PTPRG: variants seen among roughly 807,000 people sequenced by gnomAD.
PTPRG encodes receptor-type tyrosine-protein phosphatase gamma.
In PTPRG, 102 loss-of-function variants were observed where a neutral mutation model predicts 165.3. The ratio of observed to expected loss-of-function variants is 0.62; its 90% CI spans 0.53 to 0.73. The LOEUF is 0.73. Ranked by LOEUF, PTPRG falls within the 30% of genes least tolerant of loss-of-function variation. The pLI is 0.00. For missense variants in PTPRG, 1,866 were observed against 1,861.4 expected, an observed-to-expected ratio of 1.00 and a Z score of -0.05; for synonymous variants, 675 against 669.5, an observed-to-expected ratio of 1.01 and a Z score of -0.13.
rs570572622 is a variant in PTPRG at position 62,203,106 on chromosome 3, T to C, written c.1378-67T>C. ...ACCAGGGCCTCATTCCCAATCTCAA[T>C]TACTGATGCTTCTCTGCTTTTTCTT... On this transcript the variant is annotated intron_variant, in intron 11 of 29. Transcript: ENST00000474889. This position sits in a 1 kb window ranked among gnomAD's most constrained non-coding sequence, Gnocchi z 6.4. The C allele has an allele frequency of 3.9e-6, 6 of 1,520,798 alleles. No individual in the cohort carries two copies. In the East Asian group the frequency reaches 1.4e-4, roughly 35 times the overall value. 94.2% of individuals were successfully genotyped at this position (1,520,798 alleles called of 1,614,324 possible).
chr3:61,923,919 G>A (rs184245121), intron 2 of PTPRG, among the ~76,000 whole-genome samples: 8 of 151,964 alleles, frequency 5.3e-5, no homozygotes, highest in African/African-American at 1.7e-4. Context: ...TCAAGTAAAC[G>A]ATTCATCTTC....
At chr3:62,054,308 A>G (rs117783119) in intron 4 of PTPRG, among the ~76,000 whole-genome samples, 3,541 of 152,316 alleles carry the variant, frequency 0.023, 78 homozygotes, top group South Asian at 0.11. Context: ...ATTATTTGTT[A>G]GCTACTGTTT....
chr3:61,659,424 T>C, intron 1 of PTPRG: 1 of 985,322 alleles, frequency 1.0e-6, no homozygotes, highest in Non-Finnish European at 1.2e-6. Flanking sequence ...TGTACACTTC[T>C]TAAAAGTGAA....
chr3:62,114,386 G>T (rs1321949530), intron 5 of PTPRG, among the ~76,000 whole-genome samples: 1 of 152,148 alleles, frequency 6.6e-6, no homozygotes, highest in East Asian at 1.9e-4. Flanking sequence ...TGTTGTTCAT[G>T]TAATTCTCTT....
chr3:62,101,315 T>C (rs12637866), intron 5 of PTPRG, among the ~76,000 whole-genome samples: 81,155 of 152,064 alleles, frequency 0.53, 22,520 homozygotes, highest in Middle Eastern at 0.65. Context: ...AAGAAAACTT[T>C]AACATAGAAC....
At chr3:61,971,644 G>C (rs1020143440) in intron 2 of PTPRG, among the ~76,000 whole-genome samples, 3 of 152,190 alleles carry the variant, frequency 2.0e-5, no homozygotes, top group African/African-American at 7.2e-5. Flanking sequence ...TATAACAAGA[G>C]AGGAGATGTC....
At chr3:62,232,956 A>C (rs547201264) in intron 14 of PTPRG, among the ~76,000 whole-genome samples, 1 of 152,360 alleles carries the variant, frequency 6.6e-6, no homozygotes, top group South Asian at 2.1e-4. Context: ...GCGACTAGGA[A>C]GGGCCCATAG....
chr3:61,801,217 C>G (rs1391411885), intron 2 of PTPRG, among the ~76,000 whole-genome samples: 1 of 152,126 alleles, frequency 6.6e-6, no homozygotes, highest in East Asian at 1.9e-4. Context: ...CATGATTACC[C>G]CCCAGTGGTC....
intron 2 of PTPRG, among the ~76,000 whole-genome samples, chr3:61,824,799 CTG>C (rs1244545742): frequency 3.3e-5 from 5 of 152,324 alleles, no homozygotes; most frequent in Non-Finnish European, 4.4e-5. Flanking sequence ...TCAAAACAAA[CTG>C]TGATTTCTCC....
chr3:61,654,782 CTT>C (rs5849443), intron 1 of PTPRG, among the ~76,000 whole-genome samples: 4 of 129,418 alleles, frequency 3.1e-5, no homozygotes, highest in Non-Finnish European at 3.1e-5. Context: ...TGTGCTTTTT[CTT>C]TTTTTTTTTT....
chr3:61,947,580 G>A (rs1202024033), intron 2 of PTPRG, among the ~76,000 whole-genome samples: 1 of 152,096 alleles, frequency 6.6e-6, no homozygotes, highest in Non-Finnish European at 1.5e-5. Context: ...GGACAAGCAG[G>A]GTGGAAGCAA....
At chr3:62,141,884 G>C (rs994933509) in intron 6 of PTPRG, among the ~76,000 whole-genome samples, 3 of 151,840 alleles carry the variant, frequency 2.0e-5, no homozygotes, top group Non-Finnish European at 2.9e-5. Flanking sequence ...CTGGGTGACA[G>C]GGCAAAACTG....
At chr3:61,926,609 C>CTTCCTCCCTCCCTCCCTCCT (rs2039218497) in intron 2 of PTPRG, among the ~76,000 whole-genome samples, 2 of 94,788 alleles carry the variant, frequency 2.1e-5, no homozygotes, top group Non-Finnish European at 4.0e-5. Flanking sequence ...CCCTCCCTCC[C>CTTCCTCCCTCCCTCCCTCCT]TCCTTCCTTC....
At chr3:61,742,534 G>A (rs1326844777) in intron 1 of PTPRG, 2 of 1,594,298 alleles carry the variant, frequency 1.3e-6, no homozygotes. Context: ...CTTGAGCAAT[G>A]ACACCAAGAA....
intron 1 of PTPRG, among the ~76,000 whole-genome samples, chr3:61,701,539 T>C (rs1426946234): frequency 6.6e-6 from 1 of 152,170 alleles, no homozygotes; most frequent in Non-Finnish European, 1.5e-5. Flanking sequence ...TTTTCTACAG[T>C]ATAATAATGA....
At chr3:61,868,695 T>A (rs917470191) in intron 2 of PTPRG, among the ~76,000 whole-genome samples, 152 of 152,328 alleles carry the variant, frequency 1.0e-3, no homozygotes, top group African/African-American at 3.4e-3. Context: ...AGTTTTTTTG[T>A]TTGAGTCAGC....
Position 62,279,938 on chromosome 3 carries a change from G to T in PTPRG, c.3766-1625G>T, listed in dbSNP as rs1452453915. Among the ~76,000 whole-genome samples, 5 of 152,142 alleles carry T rather than the reference G, an allele frequency of 3.3e-5. 1 individual carries two copies. The East Asian group carries it at 9.7e-4, about 29-fold the overall frequency. The stretch of plus-strand genomic sequence containing the variant: ...AAAACTACAGTTTGCCATTGGAGCT[G>T]ATTGATTAGGATACGTGGTGTACAT... On this transcript the variant is annotated intron_variant, in intron 26 of 29. Coordinates refer to ENST00000474889, the MANE Select transcript of PTPRG (RefSeq NM_002841.4).
intron 2 of PTPRG, among the ~76,000 whole-genome samples, chr3:61,925,171 C>G (rs1037427248): frequency 1.3e-5 from 2 of 152,204 alleles, no homozygotes; most frequent in African/African-American, 4.8e-5. Flanking sequence ...ATGGACATGG[C>G]TTCTTTCAGT....
chr3:61,962,492 T>C (rs1000296858), intron 2 of PTPRG, among the ~76,000 whole-genome samples: 6 of 152,170 alleles, frequency 3.9e-5, no homozygotes, highest in African/African-American at 1.4e-4. Flanking sequence ...GAGTTAAGTG[T>C]GGCGTGTATA....
Sources: gnomAD v4.1 joint callset for allele counts (sites outside exome capture counted in the v4.1 genomes callset) on GRCh38, gnomAD v4.1.1 for gene constraint, Gnocchi (gnomAD v3.1) non-coding constraint, MANE v1.5 for transcripts, NCBI Gene and HGNC (gene_info 2026-07-23, HGNC 2026-07-21) for gene names.